The following DPP6 variants were observed in gnomAD, a reference collection of about 807,000 sequenced individuals.
DPP6 encodes the protein dipeptidyl peptidase like 6, also known as A-type potassium channel modulatory protein DPP6.
Under a neutral mutation model 122.6 loss-of-function variants are expected in DPP6, and 69 were observed. The ratio of observed to expected loss-of-function variants is 0.56; its 90% CI spans 0.46 to 0.69. DPP6 has a LOEUF of 0.69. Among genes scored for constraint, DPP6 ranks in the 30% least tolerant of loss-of-function variants. DPP6 has a pLI of 0.00. For missense variants in DPP6, 928 were observed against 1,116.9 expected, an observed-to-expected ratio of 0.83 and a Z score of 2.41; for synonymous variants, 418 against 433.1, an observed-to-expected ratio of 0.97 and a Z score of 0.43.
intron 13 of DPP6, among the ~76,000 whole-genome samples, chr7:154,803,414 G>T (rs535851443): frequency 1.3e-5 from 2 of 152,138 alleles, no homozygotes; most frequent in Admixed American, 1.3e-4. Flanking sequence ...AGCAGGGAGC[G>T]CCCTTTCTCC....
chr7:154,463,195 C>CTTTTTT (rs368362408), intron 2 of DPP6, among the ~76,000 whole-genome samples: 1,008 of 84,114 alleles, frequency 0.012, 45 homozygotes, highest in Non-Finnish European at 0.019. Flanking sequence ...TTCTCCTTTT[C>CTTTTTT]TTTTTTTTTT....
intron 1 of DPP6, among the ~76,000 whole-genome samples, chr7:154,225,345 C>G (rs936851838): frequency 1.2e-4 from 18 of 151,908 alleles, no homozygotes; most frequent in Admixed American, 1.0e-3. Context: ...CATTATACAG[C>G]CTATATATTT....
chr7:154,149,927 C>T (rs112012214), intron 1 of DPP6, among the ~76,000 whole-genome samples: 465 of 146,186 alleles, frequency 3.2e-3, no homozygotes, highest in African/African-American at 0.012. Flanking sequence ...ACATTGCTTC[C>T]CACACAAGCT....
intron 4 of DPP6, among the ~76,000 whole-genome samples, chr7:154,551,463 T>G (rs1339439759): frequency 6.6e-6 from 1 of 152,214 alleles, no homozygotes; most frequent in African/African-American, 2.4e-5. Flanking sequence ...CATTTATCTT[T>G]TTCTTTTAGA....
chr7:154,415,549 C>A (rs1157212598), intron 1 of DPP6, among the ~76,000 whole-genome samples: 7 of 151,930 alleles, frequency 4.6e-5, no homozygotes, highest in Non-Finnish European at 1.0e-4. Context: ...ACTAATGAGA[C>A]ATTAAGATCC....
At chr7:154,594,465 G>A (rs1462145411) in intron 5 of DPP6, among the ~76,000 whole-genome samples, 1 of 152,068 alleles carries the variant, frequency 6.6e-6, no homozygotes, top group Admixed American at 6.5e-5. Context: ...TGAATAAAAG[G>A]AAATTAGTTA....
At chr7:154,586,506 C>A (rs564531178) in intron 5 of DPP6, among the ~76,000 whole-genome samples, 2 of 152,190 alleles carry the variant, frequency 1.3e-5, no homozygotes, top group Admixed American at 1.3e-4. Context: ...AAGAGGAATA[C>A]AGAGTTGGCC....
intron 1 of DPP6, among the ~76,000 whole-genome samples, chr7:154,324,867 A>ATTTATT (rs202168864): frequency 5.3e-5 from 6 of 113,090 alleles, no homozygotes; most frequent in Non-Finnish European, 8.6e-5. Context: ...TCCTTTTGTT[A>ATTTATT]TTTTTTTTTT....
At chr7:154,119,083 A>T (rs1807224671) in intron 1 of DPP6, among the ~76,000 whole-genome samples, 1 of 152,210 alleles carries the variant, frequency 6.6e-6, no homozygotes, top group Admixed American at 6.5e-5. Context: ...ACTCAGAAAT[A>T]TTAGGAAATG....
At chr7:154,384,773 GC>G (rs1813939844) in intron 1 of DPP6, among the ~76,000 whole-genome samples, 1 of 142,050 alleles carries the variant, frequency 7.0e-6, no homozygotes, top group African/African-American at 2.7e-5. Context: ...TCGCTCTGTC[GC>G]CCAGGTGACA....
At chr7:154,474,916 CTT>C (rs768081102) in intron 2 of DPP6, 21 bp from the exon 3 acceptor site, 3 of 1,571,424 alleles carry the variant, frequency 1.9e-6, no homozygotes, top group South Asian at 1.1e-5. Context: ...AAGCTTAACT[CTT>C]TGCTTTTTAT....
intron 1 of DPP6, among the ~76,000 whole-genome samples, chr7:154,401,523 T>A (rs1296168955): frequency 6.6e-6 from 1 of 152,150 alleles, no homozygotes; most frequent in Non-Finnish European, 1.5e-5. Context: ...GTGGTAGAGA[T>A]CCTTTCTGCT....
At chr7:153,888,201 G>T (rs1027530437) in intron 1 of DPP6, among the ~76,000 whole-genome samples, 8 of 152,208 alleles carry the variant, frequency 5.3e-5, no homozygotes, top group Admixed American at 3.9e-4. Flanking sequence ...CGGAGCCTTC[G>T]GTGCTCTCGG....
chr7:154,299,594 A>C (rs1046366944), intron 1 of DPP6, among the ~76,000 whole-genome samples: 4 of 152,126 alleles, frequency 2.6e-5, no homozygotes, highest in African/African-American at 9.7e-5. Context: ...CTGCTGCCCC[A>C]CATTCATTTT....
the DPP6 span, among the ~76,000 whole-genome samples, chr7:153,768,965 C>T: frequency 6.6e-6 from 1 of 152,104 alleles, no homozygotes; most frequent in African/African-American, 2.4e-5. Flanking sequence ...ATCAAAATGT[C>T]CACTTAGCAA....
At chr7:154,081,172 C>T (rs1803974851) in intron 1 of DPP6, among the ~76,000 whole-genome samples, 1 of 151,740 alleles carries the variant, frequency 6.6e-6, no homozygotes, top group African/African-American at 2.4e-5. Flanking sequence ...CCAAATGAGC[C>T]AGTATGCTGG....
intron 8 of DPP6, among the ~76,000 whole-genome samples, chr7:154,734,272 A>G (rs1320688752): frequency 6.6e-6 from 1 of 152,174 alleles, no homozygotes; most frequent in Non-Finnish European, 1.5e-5. Context: ...CTGAGCCCCA[A>G]CCTTTTATGC....
At chr7:154,850,270 G>A (rs1802266349) in intron 16 of DPP6, among the ~76,000 whole-genome samples, 1 of 152,084 alleles carries the variant, frequency 6.6e-6, no homozygotes, top group African/African-American at 2.4e-5. Context: ...TCCCACTTAT[G>A]AGTGAGAACA....
At chr7:153,984,740 A>G (rs1446633559) in intron 1 of DPP6, among the ~76,000 whole-genome samples, 2 of 152,100 alleles carry the variant, frequency 1.3e-5, no homozygotes, top group South Asian at 2.1e-4. Flanking sequence ...ATTCAATTTA[A>G]TCTTTAAAAT....
Sources: gnomAD v4.1 joint callset for allele counts (sites outside exome capture counted in the v4.1 genomes callset) on GRCh38, gnomAD v4.1.1 for gene constraint, MANE v1.5 for transcripts, NCBI Gene and HGNC (gene_info 2026-07-23, HGNC 2026-07-21) for gene names.